The following ZNF536 variants were observed in gnomAD, a reference collection of about 807,000 sequenced individuals.
ZNF536 encodes the protein zinc finger protein 536.
ZNF536 carries 13 observed loss-of-function variants against 84.5 expected under a neutral mutation model. The observed-to-expected ratio is 0.15, with a 90% CI of 0.10 to 0.24. The LOEUF (loss-of-function observed/expected upper bound fraction) is 0.24. ZNF536 is among the 10% of genes least tolerant of loss of function. The probability of loss-of-function intolerance (pLI) is 1.00; values close to 1 mark genes in which losing one functional copy is unlikely to be tolerated. For synonymous variants in ZNF536, 811 were observed against 742.5 expected (o/e 1.09, Z -1.50); for missense variants, 1,536 against 1,747.5 (o/e 0.88, Z 2.16).
At chr19:30,666,769 C>T (rs543002135) in intron 1 of ZNF536, among the ~76,000 whole-genome samples, 35 of 150,232 alleles carry the variant, frequency 2.3e-4, no homozygotes, top group Non-Finnish European at 4.6e-4. Flanking sequence ...AATATACACA[C>T]AAAATATATA....
intron 1 of ZNF536, among the ~76,000 whole-genome samples, chr19:30,599,264 TC>T (rs1173705808): frequency 1.1e-5 from 1 of 89,186 alleles, no homozygotes; most frequent in East Asian, 4.1e-4. Flanking sequence ...TTCCTCCCTT[TC>T]CCCCATCCTT....
chr19:30,462,295 TGTGTGTGA>T (rs3837961), intron 2 of ZNF536, among the ~76,000 whole-genome samples: 7,221 of 142,874 alleles, frequency 0.051, 252 homozygotes, highest in Admixed American at 0.12. Flanking sequence ...TGTGATTTTG[TGTGTGTGA>T]GTGTGTGTGT....
At chr19:30,582,799 G>A (rs766894371) in intron 1 of ZNF536, among the ~76,000 whole-genome samples, 8 of 152,082 alleles carry the variant, frequency 5.3e-5, no homozygotes, top group African/African-American at 7.2e-5. Flanking sequence ...ATCAGATGTC[G>A]TGGGACTTAT....
At chr19:30,308,446 AAGG>A (rs2046404887) in intron 2 of ZNF536, among the ~76,000 whole-genome samples, 1 of 152,130 alleles carries the variant, frequency 6.6e-6, no homozygotes, top group African/African-American at 2.4e-5. Flanking sequence ...AAAGGTTTAG[AAGG>A]AGAAGATTTT....
chr19:30,436,542 T>A, intron 1 of ZNF536: 1 of 983,994 alleles, frequency 1.0e-6, no homozygotes, highest in South Asian at 4.7e-5. Flanking sequence ...ATCTCTGGTT[T>A]ATTTTTGTAA....
intron 3 of ZNF536, among the ~76,000 whole-genome samples, chr19:30,356,862 C>T (rs2048112143): frequency 6.6e-6 from 1 of 152,202 alleles, no homozygotes; most frequent in South Asian, 2.1e-4. Context: ...GAGAAGTGGC[C>T]TGCCCCAAAC....
intron 4 of ZNF536, among the ~76,000 whole-genome samples, chr19:30,553,323 A>G (rs146531459): frequency 2.4e-3 from 367 of 152,338 alleles, no homozygotes; most frequent in African/African-American, 8.2e-3. Flanking sequence ...CCCTGTGCAC[A>G]CAGCACCAAG....
At chr19:30,545,983 G>T (rs1418973623) in intron 3 of ZNF536, among the ~76,000 whole-genome samples, 1 of 152,184 alleles carries the variant, frequency 6.6e-6, no homozygotes, top group Non-Finnish European at 1.5e-5. Flanking sequence ...TGGCCCTCCC[G>T]CAGGGCTTGC....
At chr19:30,698,542 A>G (rs539177364) in intron 1 of ZNF536, among the ~76,000 whole-genome samples, 179 of 152,304 alleles carry the variant, frequency 1.2e-3, no homozygotes, top group Non-Finnish European at 2.0e-3. Flanking sequence ...TCCTGGCTGC[A>G]ACAGTTTCTC....
chr19:30,612,740 A>G (rs985670449), intron 1 of ZNF536, among the ~76,000 whole-genome samples: 1 of 152,220 alleles, frequency 6.6e-6, no homozygotes, highest in Admixed American at 6.5e-5. Flanking sequence ...CCCTTTGCCT[A>G]GGTTCCCTAA....
chr19:30,650,453 C>T (rs748924895), intron 1 of ZNF536, among the ~76,000 whole-genome samples: 2 of 152,144 alleles, frequency 1.3e-5, no homozygotes, highest in Non-Finnish European at 2.9e-5. Flanking sequence ...CTGAAAATAT[C>T]TGTTTTTGTT....
rs1023354640 is a variant in ZNF536 at position 30,629,248 on chromosome 19, G to A, written c.169+79734G>A. Among the ~76,000 whole-genome samples, 6 of 152,256 alleles carry A rather than the reference G, an allele frequency of 3.9e-5. No individual in the cohort carries two copies. In the South Asian group the frequency reaches 1.2e-3, roughly 32 times the overall value. On this transcript the variant is annotated intron_variant, in intron 1 of 1. Transcript: ENST00000592773. ...GAGTCTTACTCTGTCTCCCAGGCTG[G>A]AGTGCAGTGGCATGATCACGGCTTA... is the stretch of plus-strand genomic sequence containing the variant.
intron 1 of ZNF536, among the ~76,000 whole-genome samples, chr19:30,632,690 C>T (rs1162111223): frequency 7.0e-6 from 1 of 143,308 alleles, no homozygotes; most frequent in Non-Finnish European, 1.5e-5. Context: ...AACCAACCAA[C>T]CAGAAGTCCT....
chr19:30,441,466 T>G (rs1220180278), intron 1 of ZNF536, among the ~76,000 whole-genome samples: 1 of 152,182 alleles, frequency 6.6e-6, no homozygotes, highest in African/African-American at 2.4e-5. Flanking sequence ...CCCTGCTGGA[T>G]AGTGGGTGTC....
In ZNF536 at chr19:30,534,829, G is replaced by A. The variant is rs373059906; in HGVS notation, c.2171-18G>A. ...ACATGTGCTGAAGTGATGTGAGAAC[G>A]TTTCTCCTTCGCTGCAGACATTGGC... On this transcript the variant is annotated intron_variant, in intron 2 of 4. Coordinates refer to ENST00000355537, the MANE Select transcript of ZNF536 (RefSeq NM_014717.3). The A allele has an allele frequency of 1.6e-5, 26 of 1,601,802 alleles. No homozygotes were observed. The highest frequency in any genetic ancestry group is 5.1e-5 in the Admixed American group (3 of 58,886).
chr19:30,544,731 G>A (rs2045474906), intron 3 of ZNF536, among the ~76,000 whole-genome samples: 1 of 152,186 alleles, frequency 6.6e-6, no homozygotes, highest in Non-Finnish European at 1.5e-5. Flanking sequence ...TCAAACTGAA[G>A]GTTTCTGAGT....
chr19:30,606,686 T>C (rs977448083), intron 1 of ZNF536, among the ~76,000 whole-genome samples: 1 of 152,132 alleles, frequency 6.6e-6, no homozygotes, highest in Non-Finnish European at 1.5e-5. Context: ...TGAGTGTGAA[T>C]TGAGTTGACT....
chr19:30,368,749 G>A (rs1195285490), upstream of ZNF536, among the ~76,000 whole-genome samples: 1 of 152,226 alleles, frequency 6.6e-6, no homozygotes, highest in Non-Finnish European at 1.5e-5. Flanking sequence ...ACCAACTGTA[G>A]GGAGGATTCC....
chr19:30,409,807 CTTT>C (rs1315148328), intron 1 of ZNF536, among the ~76,000 whole-genome samples: 2 of 152,090 alleles, frequency 1.3e-5, no homozygotes, highest in Non-Finnish European at 2.9e-5. Context: ...TCTCATTTTG[CTTT>C]TTATTTCTCA....
Sources: gnomAD v4.1 joint callset for allele counts (sites outside exome capture counted in the v4.1 genomes callset) on GRCh38, gnomAD v4.1.1 for gene constraint, MANE v1.5 for transcripts, NCBI Gene and HGNC (gene_info 2026-07-23, HGNC 2026-07-21) for gene names.